Variants in ACAT1 observed in about 807,000 individuals in gnomAD.
The protein encoded by ACAT1 is acetyl-CoA acetyltransferase, mitochondrial.
ACAT1 carries 28 observed loss-of-function variants against 47.3 expected under a neutral mutation model. The observed-to-expected ratio is 0.59, with a 90% CI of 0.44 to 0.81. The LOEUF (loss-of-function observed/expected upper bound fraction) is 0.81, where lower values mean the gene tolerates loss of function less well. Among genes scored for constraint, ACAT1 ranks in the 30% least tolerant of loss-of-function variants. The pLI is 0.00. For synonymous variants in ACAT1, 181 were observed against 173.6 expected (o/e 1.04, Z -0.34); for missense variants, 469 against 524.3 (o/e 0.89, Z 1.03).
upstream of ACAT1, among the ~76,000 whole-genome samples, chr11:108,118,166 C>T (rs914646063): frequency 2.0e-5 from 3 of 151,936 alleles, no homozygotes; most frequent in Non-Finnish European, 4.4e-5. Flanking sequence ...ACCTGTAATC[C>T]CAGCACTTTG....
At chr11:108,130,051 T>G (rs1428190080) in intron 1 of ACAT1, among the ~76,000 whole-genome samples, 1 of 152,222 alleles carries the variant, frequency 6.6e-6, no homozygotes, top group Non-Finnish European at 1.5e-5. Context: ...CTATTTCTCC[T>G]GTCTCTGAGT....
chr11:108,133,308 T>C (rs1351483355), intron 2 of ACAT1, among the ~76,000 whole-genome samples: 1 of 151,762 alleles, frequency 6.6e-6, no homozygotes, highest in Non-Finnish European at 1.5e-5. Context: ...CCTCTTAGAG[T>C]TGTTTATTAT....
chr11:108,129,860 T>C (rs573209870), intron 1 of ACAT1, among the ~76,000 whole-genome samples: 55 of 152,288 alleles, frequency 3.6e-4, no homozygotes, highest in Middle Eastern at 3.4e-3. Context: ...TGTGTGCCTG[T>C]AGTCGCAGAT....
chr11:108,146,044 GAA>G (rs112079311), intron 10 of ACAT1, 156 bp from the exon 11 acceptor site: 2,365 of 576,176 alleles, frequency 4.1e-3, no homozygotes, highest in Middle Eastern at 6.4e-3. Flanking sequence ...AAGACTGTTG[GAA>G]AAAAAAAAAA....
chr11:108,136,083 C>T (rs1185565823), intron 5 of ACAT1: 1 of 699,436 alleles, frequency 1.4e-6, no homozygotes, highest in East Asian at 2.6e-5. Flanking sequence ...AAGCAAGAGA[C>T]AGGCTCCTTA....
chr11:108,121,292 T>A (rs1267972396), upstream of ACAT1: 1 of 499,722 alleles, frequency 2.0e-6, no homozygotes, highest in Non-Finnish European at 3.7e-6. Context: ...AAATCTCGGA[T>A]TACACATAAA....
In ACAT1 at chr11:108,135,234, G is replaced by C; in HGVS notation, c.427G>C (p.Gly143Arg). 6.2e-7 allele frequency: 1 copy of C among 1,608,922 alleles called. No homozygotes were observed. The highest frequency in any genetic ancestry group is 8.5e-7 in the Non-Finnish European group (1 of 1,175,450). Residue 143 changes from glycine to arginine, a missense_variant, in exon 5 of 12, where the codon GGA becomes CGA. By Grantham distance (125) the Gly-to-Arg change is moderately radical (BLOSUM62 -2). Transcript: ENST00000265838. ...IMMASQSLMC[G>R]HQDVMVAGGM... ...GATGGCCTCTCAAAGTCTTATGTGT[G>C]GACATCAGGTAAGAAACACCGTCCT... is the stretch of plus-strand genomic sequence containing the variant.
chr11:108,141,369 CAAAAAAAAAAAA>C (rs60002941), intron 7 of ACAT1, among the ~76,000 whole-genome samples: 2 of 69,324 alleles, frequency 2.9e-5, no homozygotes. Context: ...AACCCTGCCT[CAAAAAAAAAAAA>C]AAAAAAAAAA....
intron 5 of ACAT1, among the ~76,000 whole-genome samples, chr11:108,138,392 G>A (rs1215391018): frequency 6.6e-6 from 1 of 150,940 alleles, no homozygotes; most frequent in Admixed American, 6.6e-5. Flanking sequence ...TGCAATCTCC[G>A]CCTCTACTTT....
chr11:108,132,357 G>A (rs992440965), intron 2 of ACAT1, among the ~76,000 whole-genome samples: 3 of 152,172 alleles, frequency 2.0e-5, no homozygotes, highest in Non-Finnish European at 4.4e-5. Context: ...AAGAGTCTCT[G>A]TTTTGTAAGG....
chr11:108,133,755 G>A (rs924416304), intron 2 of ACAT1, 65 bp from the exon 3 acceptor site: 157 of 1,288,916 alleles, frequency 1.2e-4, no homozygotes, highest in Non-Finnish European at 1.7e-4. Flanking sequence ...ATATATTTAT[G>A]TTTATTTAAT....
At chr11:108,121,493 G>C (rs887539084), upstream of ACAT1, 4 of 1,203,674 alleles carry the variant, frequency 3.3e-6, no homozygotes, top group East Asian at 1.0e-4. Flanking sequence ...ACTGAGAGGC[G>C]ACTATTGGAG....
upstream of ACAT1, among the ~76,000 whole-genome samples, chr11:108,119,062 C>T (rs2077108090): frequency 6.6e-6 from 1 of 152,202 alleles, no homozygotes; most frequent in African/African-American, 2.4e-5. Context: ...TAACTACTAG[C>T]TTTGTGCCCT....
At chr11:108,118,171 A>C (rs1273545011), upstream of ACAT1, among the ~76,000 whole-genome samples, 1 of 152,088 alleles carries the variant, frequency 6.6e-6, no homozygotes, top group African/African-American at 2.4e-5. Context: ...TAATCCCAGC[A>C]CTTTGGGAGA....
At chr11:108,122,923 T>C (rs1235398162) in intron 1 of ACAT1, among the ~76,000 whole-genome samples, 3 of 152,282 alleles carry the variant, frequency 2.0e-5, no homozygotes, top group African/African-American at 7.2e-5. Context: ...ATTTATGGTT[T>C]AATTAAGATC....
At chr11:108,125,115 C>T (rs2077224346) in intron 1 of ACAT1, among the ~76,000 whole-genome samples, 1 of 152,156 alleles carries the variant, frequency 6.6e-6, no homozygotes, top group South Asian at 2.1e-4. Context: ...TAAAATCAGT[C>T]TCTTCTTGGA....
intron 1 of ACAT1, among the ~76,000 whole-genome samples, chr11:108,129,871 A>G (rs2077324625): frequency 6.6e-6 from 1 of 152,136 alleles, no homozygotes; most frequent in South Asian, 2.1e-4. Context: ...AGTCGCAGAT[A>G]CTTGGGAGGC....
Position 108,135,232 on chromosome 11 carries a change from G to T in ACAT1, c.425G>T (p.Cys142Phe), listed in dbSNP as rs1565289624. 6.2e-7 allele frequency: 1 copy of T among 1,609,836 alleles called. No homozygotes were observed. The highest frequency in any genetic ancestry group is 8.5e-7 in the Non-Finnish European group (1 of 1,176,228). Residue 142 changes from cysteine to phenylalanine, a missense_variant, in exon 5 of 12, where the codon TGT (cysteine) becomes TTT (phenylalanine). Coordinates refer to ENST00000265838, the MANE Select transcript of ACAT1 (RefSeq NM_000019.4). Reference sequence around the variant, plus strand: ...ATGATGGCCTCTCAAAGTCTTATGTGTGGACATCAGGTAAGAAACACCGTC... The same window carrying T: ...ATGATGGCCTCTCAAAGTCTTATGTTTGGACATCAGGTAAGAAACACCGTC... ...AIMMASQSLM[C>F]GHQDVMVAGG...
At chr11:108,125,317 T>G (rs976066343) in intron 1 of ACAT1, among the ~76,000 whole-genome samples, 1 of 152,222 alleles carries the variant, frequency 6.6e-6, no homozygotes, top group South Asian at 2.1e-4. Flanking sequence ...ATTCAGCATG[T>G]ATTATTATAC....
Sources: allele counts gnomAD v4.1 joint callset (sites outside exome capture counted in the v4.1 genomes callset), GRCh38; gene constraint gnomAD v4.1.1; transcripts MANE v1.5; gene names NCBI Gene and HGNC (gene_info 2026-07-23, HGNC 2026-07-21).